CDC42BPB: variants seen among roughly 807,000 people sequenced by gnomAD.
The protein encoded by CDC42BPB is serine/threonine-protein kinase MRCK beta.
In CDC42BPB, 37 loss-of-function variants were observed where a neutral mutation model predicts 214.9. The ratio of observed to expected loss-of-function variants is 0.17; its 90% CI spans 0.13 to 0.23. CDC42BPB has a LOEUF of 0.23. CDC42BPB is among the 10% of genes least tolerant of loss of function. The probability of loss-of-function intolerance (pLI) is 1.00; values close to 1 mark genes in which losing one functional copy is unlikely to be tolerated. For missense variants in CDC42BPB, 1,694 were observed against 2,227.0 expected, an observed-to-expected ratio of 0.76 and a Z score of 4.82; for synonymous variants, 931 against 884.0, an observed-to-expected ratio of 1.05 and a Z score of -0.94.
In CDC42BPB at chr14:102,949,918, C is replaced by A. The variant is rs1445704007; in HGVS notation, c.3310-14G>T. ...GGGCTTTGGGACCTATGAATAAAAA[C>A]AAACAGTGGCCACGTTCCACCAGGC... is the stretch of plus-strand genomic sequence containing the variant. On this transcript the variant is annotated splice_polypyrimidine_tract_variant and intron_variant, in intron 25 of 36. Transcript: ENST00000361246. 6.2e-7 allele frequency: 1 copy of A among 1,612,318 alleles called. No individual in the cohort carries two copies. Among genetic ancestry groups the A allele is most frequent in the Admixed American group, 1.7e-5 (1 of 60,016 alleles).
At chr14:102,971,422 G>A (rs1278357302) in intron 13 of CDC42BPB, among the ~76,000 whole-genome samples, 1 of 152,196 alleles carries the variant, frequency 6.6e-6, no homozygotes, top group Admixed American at 6.5e-5. Context: ...GTGTCGAATG[G>A]TGCTGAGCCA....
chr14:103,009,495 G>C (rs2139632281), intron 2 of CDC42BPB, among the ~76,000 whole-genome samples: 1 of 152,324 alleles, frequency 6.6e-6, no homozygotes, highest in East Asian at 1.9e-4. Context: ...GCATGGAAAG[G>C]ACAGGCTCCC....
intron 1 of CDC42BPB, among the ~76,000 whole-genome samples, chr14:103,021,635 G>A (rs7149629): frequency 0.069 from 10,349 of 151,078 alleles, 810 homozygotes; most frequent in African/African-American, 0.19. Flanking sequence ...ACCCGAGATC[G>A]TGCCACTGCA....
At chr14:103,053,315 T>C (rs562810777) in intron 1 of CDC42BPB, among the ~76,000 whole-genome samples, 34 of 149,852 alleles carry the variant, frequency 2.3e-4, no homozygotes, top group African/African-American at 4.7e-4. Flanking sequence ...CCACTGCACT[T>C]CAGCCTGGGC....
chr14:102,956,561 G>T (rs1460487931), intron 21 of CDC42BPB: 1 of 230,538 alleles, frequency 4.3e-6, no homozygotes, highest in Non-Finnish European at 7.2e-6. Flanking sequence ...CAGGCACGGT[G>T]GCTCATGCCT....
intron 26 of CDC42BPB, among the ~76,000 whole-genome samples, chr14:102,949,412 G>A (rs1402223074): frequency 2.6e-5 from 4 of 152,184 alleles, no homozygotes; most frequent in Admixed American, 6.5e-5. Context: ...ACGCACAGAC[G>A]GCTGTGGGCC....
chr14:102,989,824 G>A (rs541910853), intron 5 of CDC42BPB, among the ~76,000 whole-genome samples: 16 of 150,892 alleles, frequency 1.1e-4, no homozygotes, highest in South Asian at 8.4e-4. Context: ...GCACCACTGC[G>A]CGCCAGCCTG....
chr14:102,960,428 G>C (rs533244102), intron 20 of CDC42BPB, among the ~76,000 whole-genome samples: 9 of 151,936 alleles, frequency 5.9e-5, no homozygotes, highest in African/African-American at 2.2e-4. Context: ...ACCAGCCTGG[G>C]CAACACAGAG....
rs114030551 is a variant in CDC42BPB, at chr14:102,995,526, T to C, written c.596+4039A>G. Among the ~76,000 whole-genome samples, 520 of 152,278 alleles carry C rather than the reference T, an allele frequency of 3.4e-3. 1 individual carries two copies. Among genetic ancestry groups the C allele is most frequent in the African/African-American group, 0.012 (492 of 41,556 alleles). Reference sequence around the variant, plus strand: ...TTCATGATCTCTGCCTTTCCGGATATCATCAGGGGCTGACCTCTCAGGAAG... The same window carrying C: ...TTCATGATCTCTGCCTTTCCGGATACCATCAGGGGCTGACCTCTCAGGAAG... On this transcript the variant is annotated intron_variant, in intron 5 of 36. Transcript: ENST00000361246.
intron 16 of CDC42BPB, among the ~76,000 whole-genome samples, 185 bp downstream of exon 16, chr14:102,968,068 C>T (rs1294127176): frequency 2.0e-5 from 3 of 151,632 alleles, no homozygotes; most frequent in Non-Finnish European, 2.9e-5. Context: ...GCACTCCAGC[C>T]TGAGCGACAG....
chr14:103,041,206 T>C (rs1307141729), intron 1 of CDC42BPB, among the ~76,000 whole-genome samples: 1 of 152,224 alleles, frequency 6.6e-6, no homozygotes, highest in Non-Finnish European at 1.5e-5. Flanking sequence ...CAAACATTGT[T>C]GGAACTGGTT....
intron 21 of CDC42BPB, among the ~76,000 whole-genome samples, chr14:102,959,032 C>CA (rs1892836707): frequency 6.6e-6 from 1 of 151,070 alleles, no homozygotes; most frequent in African/African-American, 2.4e-5. Flanking sequence ...CGTGGTGGCT[C>CA]ACGCCTGTAA....
At chr14:102,949,984 C>T (rs1253865151) in intron 25 of CDC42BPB, 80 bp from the exon 26 acceptor site, 2 of 1,577,848 alleles carry the variant, frequency 1.3e-6, no homozygotes, top group African/African-American at 2.7e-5. Context: ...TTCACAATCT[C>T]CTTCCAGCTG....
intron 21 of CDC42BPB, among the ~76,000 whole-genome samples, chr14:102,957,081 G>A (rs1464288135): frequency 3.4e-5 from 5 of 146,490 alleles, no homozygotes; most frequent in African/African-American, 1.3e-4. Context: ...CGTGCCTGTA[G>A]TCCCAGCTAC....
chr14:102,977,610 C>T (rs1340688985), intron 9 of CDC42BPB, among the ~76,000 whole-genome samples: 1 of 152,204 alleles, frequency 6.6e-6, no homozygotes. Context: ...TTACAAAAGC[C>T]AGCAGAGTGC....
At chr14:103,053,260 T>C (rs560735318) in intron 1 of CDC42BPB, among the ~76,000 whole-genome samples, 42 of 151,686 alleles carry the variant, frequency 2.8e-4, no homozygotes, top group African/African-American at 6.5e-4. Context: ...AGGCAGAGAA[T>C]TGCTTGAACC....
chr14:103,002,502 G>A (rs887304284), intron 4 of CDC42BPB, among the ~76,000 whole-genome samples: 1 of 152,206 alleles, frequency 6.6e-6, no homozygotes, highest in Non-Finnish European at 1.5e-5. Flanking sequence ...CCTTTGTACA[G>A]ATCCCAGTTG....
chr14:102,948,161 G>A, intron 26 of CDC42BPB, among the ~76,000 whole-genome samples: 1 of 17,806 alleles, frequency 5.6e-5, no homozygotes, highest in Non-Finnish European at 1.1e-4. Flanking sequence ...TGGAAGTGAG[G>A]GGGGAGTGGG....
intron 7 of CDC42BPB, 128 bp downstream of exon 7, chr14:102,983,428 C>A: frequency 1.4e-6 from 2 of 1,436,698 alleles, no homozygotes; most frequent in Middle Eastern, 1.9e-4. Flanking sequence ...CCAGTTTGGT[C>A]CAAACCCCGT....
Sources: gnomAD v4.1 joint callset for allele counts (sites outside exome capture counted in the v4.1 genomes callset) on GRCh38, gnomAD v4.1.1 for gene constraint, MANE v1.5 for transcripts, NCBI Gene and HGNC (gene_info 2026-07-23, HGNC 2026-07-21) for gene names.